CDH9: variants seen among roughly 807,000 people sequenced by gnomAD.
CDH9 encodes cadherin-9.
A neutral mutation model predicts 70.9 loss-of-function variants in CDH9; 28 were observed. The ratio of observed to expected loss-of-function variants is 0.40; its 90% CI spans 0.29 to 0.54. CDH9 has a LOEUF of 0.54. CDH9 is among the 20% of genes least tolerant of loss of function. The pLI, the probability that CDH9 is intolerant of heterozygous loss-of-function variation, is 0.59. For missense variants in CDH9, 874 were observed against 984.4 expected (o/e 0.89, Z 1.50); for synonymous variants, 409 against 343.1 (o/e 1.19, Z -2.12).
chr5:26,991,170 G>A (rs929647084), intron 1 of CDH9, among the ~76,000 whole-genome samples: 21 of 152,310 alleles, frequency 1.4e-4, no homozygotes, highest in Admixed American at 6.5e-4. Context: ...TCCGGTAAGA[G>A]ATGATGAAGG....
In CDH9 at chr5:26,906,780, A is replaced by T; in HGVS notation, c.582T>A (p.Ser194Arg). 1 of 1,613,190 alleles carries T rather than the reference A, an allele frequency of 6.2e-7. No individual in the cohort carries two copies. The highest frequency in any genetic ancestry group is 8.5e-7 in the Non-Finnish European group (1 of 1,179,496). The change falls in exon 4 of 12, where the codon AGT (serine) becomes AGA (arginine). Residue 194 changes from serine (S) to arginine (R), a missense_variant. By Grantham distance (110) the Ser-to-Arg change is moderately radical. Transcript: ENST00000231021. The part of the protein sequence containing the change: ...TDADDANYGN[S>R]AKVVYSILQG... ...GCAATATGCTATAGACCACTTTGGC[A>T]CTATTTCCATAGTTGGCGTCATCTG...
chr5:27,011,199 A>G (rs1278787583), intron 1 of CDH9, among the ~76,000 whole-genome samples: 2 of 152,108 alleles, frequency 1.3e-5, no homozygotes, highest in African/African-American at 4.8e-5. Context: ...CTGGAATATG[A>G]ACATGTTATT....
rs1579657614 is a variant in CDH9 at position 26,880,988 on chromosome 5, G to A, written c.*148C>T. ...TCGTATTCATTCACAAAGACTTACTGATTAAGCAAATCCCTACTTGACAAC... is the reference window on the plus strand; with the variant it reads ...TCGTATTCATTCACAAAGACTTACTAATTAAGCAAATCCCTACTTGACAAC... On this transcript the variant is annotated 3_prime_UTR_variant, in exon 12 of 12. Coordinates refer to ENST00000231021, the MANE Select transcript of CDH9 (RefSeq NM_016279.4). The A allele has an allele frequency of 1.5e-6, 1 of 656,806 alleles. No homozygotes were observed. Among genetic ancestry groups the A allele is most frequent in the African/African-American group, 1.8e-5 (1 of 54,406 alleles). 40.7% of individuals were successfully genotyped at this position (656,806 alleles called of 1,614,324 possible).
At chr5:26,926,224 G>C (rs1036309952) in intron 2 of CDH9, among the ~76,000 whole-genome samples, 1 of 152,054 alleles carries the variant, frequency 6.6e-6, no homozygotes. Context: ...TCCTTAAGCC[G>C]ATAAGCAACT....
chr5:26,900,714 A>T (rs970296851), intron 7 of CDH9, among the ~76,000 whole-genome samples: 2 of 152,112 alleles, frequency 1.3e-5, no homozygotes, highest in African/African-American at 4.8e-5. Flanking sequence ...ACAATCAATT[A>T]CTTCTAAAAT....
At chr5:26,975,087 T>C (rs181357497) in intron 2 of CDH9, among the ~76,000 whole-genome samples, 1 of 152,248 alleles carries the variant, frequency 6.6e-6, no homozygotes, top group Admixed American at 6.5e-5. Context: ...ACATCTGCCC[T>C]CACTTTCTGA....
intron 1 of CDH9, among the ~76,000 whole-genome samples, chr5:26,994,217 A>T (rs1490216058): frequency 6.6e-6 from 1 of 152,162 alleles, no homozygotes; most frequent in Non-Finnish European, 1.5e-5. Flanking sequence ...ATTAGATGAG[A>T]TTTTGAACTT....
At chr5:26,938,188 T>C (rs944724743) in intron 2 of CDH9, among the ~76,000 whole-genome samples, 3 of 149,482 alleles carry the variant, frequency 2.0e-5, no homozygotes, top group Non-Finnish European at 4.5e-5. Context: ...CAAAAATGCA[T>C]AGTTACAAAA....
At chr5:26,992,313 G>A (rs192471784) in intron 1 of CDH9, among the ~76,000 whole-genome samples, 1 of 152,252 alleles carries the variant, frequency 6.6e-6, no homozygotes, top group East Asian at 1.9e-4. Flanking sequence ...TTAGGAATGG[G>A]GCTGTTGGGA....
At chr5:26,992,584 A>G (rs1477930437) in intron 1 of CDH9, among the ~76,000 whole-genome samples, 2 of 152,140 alleles carry the variant, frequency 1.3e-5, no homozygotes, top group African/African-American at 4.8e-5. Flanking sequence ...TGGCAGCACA[A>G]ACTAAGATTA....
chr5:26,969,325 T>C (rs916155031), intron 2 of CDH9, among the ~76,000 whole-genome samples: 6 of 152,154 alleles, frequency 3.9e-5, no homozygotes, highest in Admixed American at 6.6e-5. Flanking sequence ...CTAGCTAAAA[T>C]GTACTTCATA....
intron 1 of CDH9, among the ~76,000 whole-genome samples, chr5:26,989,880 G>A (rs190890656): frequency 6.6e-6 from 1 of 152,186 alleles, no homozygotes. Flanking sequence ...TGACCCACAA[G>A]GTATTGTTGT....
intron 2 of CDH9, among the ~76,000 whole-genome samples, chr5:26,962,964 A>C (rs752519047): frequency 6.6e-6 from 1 of 152,192 alleles, no homozygotes; most frequent in Non-Finnish European, 1.5e-5. Flanking sequence ...CCAACTCAAT[A>C]TATTTTCCTA....
chr5:26,888,200 G>A (rs184337017), intron 9 of CDH9, among the ~76,000 whole-genome samples: 2 of 152,220 alleles, frequency 1.3e-5, no homozygotes, highest in East Asian at 3.9e-4. Flanking sequence ...CAAGTACATA[G>A]GCAATCATAT....
chr5:26,898,871 A>C (rs748811436), intron 7 of CDH9, among the ~76,000 whole-genome samples: 7 of 152,220 alleles, frequency 4.6e-5, no homozygotes, highest in Non-Finnish European at 8.8e-5. Flanking sequence ...AACTAGCATC[A>C]GAGTGATCAG....
chr5:26,948,956 T>A (rs1405534528), intron 2 of CDH9, among the ~76,000 whole-genome samples: 1 of 152,150 alleles, frequency 6.6e-6, no homozygotes, highest in Non-Finnish European at 1.5e-5. Flanking sequence ...CATTTTTCCA[T>A]CTAACAATAT....
At chr5:27,002,071 A>T (rs1275025166) in intron 1 of CDH9, among the ~76,000 whole-genome samples, 1 of 152,030 alleles carries the variant, frequency 6.6e-6, no homozygotes, top group Non-Finnish European at 1.5e-5. Context: ...AGACAAACTT[A>T]CAAGAAAAAA....
chr5:26,904,114 G>A (rs1387152597), intron 5 of CDH9, among the ~76,000 whole-genome samples: 1 of 151,532 alleles, frequency 6.6e-6, no homozygotes, highest in African/African-American at 2.4e-5. Flanking sequence ...AGAACTTTTG[G>A]CTTAAAAGAA....
intron 2 of CDH9, among the ~76,000 whole-genome samples, chr5:26,978,204 G>A (rs1174609173): frequency 6.6e-6 from 1 of 151,706 alleles, no homozygotes; most frequent in Non-Finnish European, 1.5e-5. Context: ...AATAGAAATA[G>A]ACTTAAAGAA....
Sources: allele counts gnomAD v4.1 joint callset (sites outside exome capture counted in the v4.1 genomes callset), GRCh38; gene constraint gnomAD v4.1.1; transcripts MANE v1.5; gene names NCBI Gene and HGNC (gene_info 2026-07-23, HGNC 2026-07-21).